Variants in NOVA1 observed in about 807,000 individuals in gnomAD.
The protein encoded by NOVA1 is NOVA alternative splicing regulator 1.
Under a neutral mutation model 38.0 loss-of-function variants are expected in NOVA1, and 7 were observed. The ratio of observed to expected loss-of-function variants is 0.18; its 90% CI spans 0.10 to 0.35. The LOEUF is 0.35. NOVA1 is among the 10% of genes least tolerant of loss of function. The pLI is 1.00. For missense variants in NOVA1, 460 were observed against 616.0 expected (o/e 0.75, Z 2.68); for synonymous variants, 270 against 232.5 (o/e 1.16, Z -1.47).
intron 3 of NOVA1, among the ~76,000 whole-genome samples, chr14:26,477,718 A>T (rs976765943): frequency 6.6e-6 from 1 of 152,080 alleles, no homozygotes; most frequent in Non-Finnish European, 1.5e-5. Flanking sequence ...ATTTAAATTT[A>T]TATATTTATT....
chr14:26,453,342 G>T (rs985717983), intron 4 of NOVA1, among the ~76,000 whole-genome samples: 4 of 151,616 alleles, frequency 2.6e-5, no homozygotes, highest in Non-Finnish European at 5.9e-5. Context: ...TGAGTAGCTG[G>T]GATTATAGGT....
intron 2 of NOVA1, among the ~76,000 whole-genome samples, chr14:26,551,477 A>C (rs961113237): frequency 2.0e-5 from 3 of 152,208 alleles, no homozygotes; most frequent in African/African-American, 4.8e-5. Flanking sequence ...AAATAGATCG[A>C]TATCACAAAC....
chr14:26,473,171 T>C (rs1468364812), intron 3 of NOVA1, among the ~76,000 whole-genome samples: 2 of 151,774 alleles, frequency 1.3e-5, no homozygotes, highest in Non-Finnish European at 2.9e-5. Flanking sequence ...ATCATATTTA[T>C]TGTTCACTTC....
chr14:26,540,557 T>C (rs918929766), intron 2 of NOVA1, among the ~76,000 whole-genome samples: 3 of 152,226 alleles, frequency 2.0e-5, no homozygotes, highest in Non-Finnish European at 4.4e-5. Flanking sequence ...AGTAAAAGCC[T>C]ACAAACCAGC....
chr14:26,527,248 G>A (rs1889373208), intron 2 of NOVA1, among the ~76,000 whole-genome samples: 1 of 152,170 alleles, frequency 6.6e-6, no homozygotes, highest in Admixed American at 6.5e-5. Context: ...CTGGCAGTGG[G>A]ACAATTTAGA....
chr14:26,506,311 A>C (rs1009553838), intron 2 of NOVA1, among the ~76,000 whole-genome samples: 12 of 152,198 alleles, frequency 7.9e-5, no homozygotes, highest in Admixed American at 7.9e-4. Context: ...AAATTACTCC[A>C]GCATACCTTA....
chr14:26,514,187 TTA>T (rs1191892139), intron 2 of NOVA1, among the ~76,000 whole-genome samples: 1 of 151,670 alleles, frequency 6.6e-6, no homozygotes, highest in East Asian at 1.9e-4. Flanking sequence ...AGTTAAAAAT[TTA>T]TGTCAATGTA....
intron 2 of NOVA1, among the ~76,000 whole-genome samples, chr14:26,562,731 T>C (rs1162631300): frequency 6.6e-6 from 1 of 152,174 alleles, no homozygotes; most frequent in Non-Finnish European, 1.5e-5. Flanking sequence ...CGCTGAATAC[T>C]GAGGGAACTC....
At chr14:26,588,494 A>G (rs1005054305) in intron 2 of NOVA1, 1 of 151,436 alleles carries the variant, frequency 6.6e-6, no homozygotes, top group Non-Finnish European at 1.5e-5. Context: ...AGGAAGCAGC[A>G]AAGAATCAAT....
intron 2 of NOVA1, among the ~76,000 whole-genome samples, chr14:26,501,966 T>G (rs1477885521): frequency 6.6e-6 from 1 of 151,972 alleles, no homozygotes; most frequent in Non-Finnish European, 1.5e-5. Context: ...AGAAATAGTT[T>G]CAGCAAGGAC....
chr14:26,480,579 G>C (rs1465206134), intron 2 of NOVA1, among the ~76,000 whole-genome samples: 1 of 151,762 alleles, frequency 6.6e-6, no homozygotes. Context: ...AATAATGGTG[G>C]TAACAACATA....
At chr14:26,503,168 G>C (rs926800383) in intron 2 of NOVA1, among the ~76,000 whole-genome samples, 20 of 151,956 alleles carry the variant, frequency 1.3e-4, no homozygotes, top group African/African-American at 4.3e-4. Flanking sequence ...TGTAATAAAT[G>C]TTAGATTGAA....
chr14:26,542,750 AAGT>A (rs929106976), intron 2 of NOVA1, among the ~76,000 whole-genome samples: 1 of 149,036 alleles, frequency 6.7e-6, no homozygotes, highest in African/African-American at 2.5e-5. Flanking sequence ...AAAAAAAAAA[AAGT>A]AGTAATGGGG....
intron 4 of NOVA1, among the ~76,000 whole-genome samples, chr14:26,458,883 T>C (rs1252477916): frequency 6.6e-6 from 1 of 152,052 alleles, no homozygotes; most frequent in African/African-American, 2.4e-5. Flanking sequence ...TTGGACAACA[T>C]GTTAGTGTTT....
intron 2 of NOVA1, chr14:26,549,667 A>C (rs1239815022): frequency 4.2e-6 from 5 of 1,190,812 alleles, no homozygotes; most frequent in Non-Finnish European, 3.3e-6. Context: ...GGGCAGGTAC[A>C]CAAGAAACTT....
chr14:26,538,145 C>G (rs1004200804), intron 2 of NOVA1, among the ~76,000 whole-genome samples: 13 of 152,030 alleles, frequency 8.6e-5, no homozygotes, highest in Admixed American at 2.6e-4. Context: ...ATTAATAAGG[C>G]CTTTCAAATC....
At chr14:26,517,513 A>T (rs1236897367) in intron 2 of NOVA1, among the ~76,000 whole-genome samples, 1 of 152,144 alleles carries the variant, frequency 6.6e-6, no homozygotes, top group African/African-American at 2.4e-5. Flanking sequence ...AACATGTAAT[A>T]AGAGTTCATT....
intron 2 of NOVA1, among the ~76,000 whole-genome samples, chr14:26,513,071 C>G (rs1003201032): frequency 2.6e-5 from 4 of 151,930 alleles, no homozygotes; most frequent in Admixed American, 6.6e-5. Context: ...AACTTTTCAT[C>G]CACAAAACCA....
At position 26,596,780 on chromosome 14, in the gene NOVA1, G is replaced by C. The variant is rs1894217740; in HGVS notation, c.136+521C>G. ...GACAATCTAAGTGCGGTAAGGGCAT[G>C]CACTCATCAAGATTTTGCATACTAC... On this transcript the variant is annotated intron_variant, in intron 1 of 4. Coordinates refer to ENST00000539517, the MANE Select transcript of NOVA1 (RefSeq NM_002515.3). 9 of 1,207,466 alleles carry C rather than the reference G, an allele frequency of 7.5e-6. No individual in the cohort carries two copies. The Admixed American group carries it at 2.6e-4, about 35-fold the overall frequency. The allele number at this position is 1,207,466 out of a possible 1,614,324, so 74.8% of individuals were successfully genotyped here.
Sources: allele counts gnomAD v4.1 joint callset (sites outside exome capture counted in the v4.1 genomes callset), GRCh38; gene constraint gnomAD v4.1.1; transcripts MANE v1.5; gene names NCBI Gene and HGNC (gene_info 2026-07-23, HGNC 2026-07-21).